Variants in LRBA observed in about 807,000 individuals in gnomAD.
LRBA encodes the protein LPS responsive beige-like anchor protein.
LRBA carries 176 observed loss-of-function variants against 330.0 expected under a neutral mutation model. The ratio of observed to expected loss-of-function variants is 0.53; its 90% CI spans 0.47 to 0.60. The LOEUF (loss-of-function observed/expected upper bound fraction) is 0.60. Among genes scored for constraint, LRBA ranks in the 20% least tolerant of loss-of-function variants. The pLI is 0.00. For synonymous variants in LRBA, 1,230 were observed against 1,193.0 expected, an observed-to-expected ratio of 1.03 and a Z score of -0.64; for missense variants, 3,259 against 3,444.8, an observed-to-expected ratio of 0.95 and a Z score of 1.35.
intron 49 of LRBA, among the ~76,000 whole-genome samples, chr4:150,323,319 A>T (rs1361225220): frequency 6.6e-6 from 1 of 152,166 alleles, no homozygotes; most frequent in African/African-American, 2.4e-5. Flanking sequence ...TATTTACGAA[A>T]GTCAATTTAT....
At chr4:150,461,911 T>C (rs561314598) in intron 44 of LRBA, among the ~76,000 whole-genome samples, 1 of 151,784 alleles carries the variant, frequency 6.6e-6, no homozygotes, top group South Asian at 2.1e-4. Context: ...TTTTACACAA[T>C]CACTTTCCAA....
rs1747253323 is a variant in LRBA at position 150,831,918 on chromosome 4, A to C, written c.4628T>G (p.Leu1543Arg). 2 of 1,602,014 alleles carry C rather than the reference A, an allele frequency of 1.2e-6. No homozygotes were observed. Among genetic ancestry groups the C allele is most frequent in the Admixed American group, 1.7e-5 (1 of 58,710 alleles). ...AATGTCTCTGTACTTGGAGACCATA[A>C]GAACAGAGATAAAGTATACTACTGC... ...ALAVVYFISV[L>R]MVSKYRDILE... The change falls in exon 29 of 57, where the codon CTT becomes CGT. Residue 1543 changes from leucine (L) to arginine (R), a missense_variant. Leu to Arg is a moderately radical substitution (Grantham distance 102). Coordinates refer to ENST00000651943, the MANE Select transcript of LRBA (RefSeq NM_001364905.1).
At chr4:150,918,276 C>T (rs1485023059) in intron 5 of LRBA, among the ~76,000 whole-genome samples, 2 of 151,944 alleles carry the variant, frequency 1.3e-5, no homozygotes, top group Non-Finnish European at 2.9e-5. Context: ...AATAAAAGGA[C>T]AAGTAAAATT....
chr4:150,431,951 A>AC (rs1353811074), intron 46 of LRBA, among the ~76,000 whole-genome samples: 12 of 152,202 alleles, frequency 7.9e-5, no homozygotes. Flanking sequence ...CTTTAAAATA[A>AC]AAAGAATTAA....
At chr4:150,630,066 A>G (rs1265739381) in intron 37 of LRBA, among the ~76,000 whole-genome samples, 1 of 152,138 alleles carries the variant, frequency 6.6e-6, no homozygotes, top group African/African-American at 2.4e-5. Context: ...CCACAGAATC[A>G]CCCAAGCACA....
chr4:150,907,787 C>T (rs1034499910), intron 11 of LRBA, among the ~76,000 whole-genome samples: 27 of 152,080 alleles, frequency 1.8e-4, no homozygotes, highest in Admixed American at 3.3e-4. Context: ...ACTTATATCC[C>T]TTTCTTTTTT....
chr4:150,767,986 C>T (rs1287460106), intron 34 of LRBA, among the ~76,000 whole-genome samples: 3 of 148,804 alleles, frequency 2.0e-5, no homozygotes, highest in Non-Finnish European at 3.0e-5. Context: ...ATCACTTAAA[C>T]CTGGGAGGCA....
At chr4:150,408,023 CA>C (rs1398865686) in intron 47 of LRBA, among the ~76,000 whole-genome samples, 2 of 151,444 alleles carry the variant, frequency 1.3e-5, no homozygotes, top group Non-Finnish European at 2.9e-5. Flanking sequence ...CCAAAGCAAG[CA>C]AAAGGAAAGA....
rs776022887 is a variant in LRBA, at chr4:150,579,587, C to T, written c.6330+8461G>A. The T allele has an allele frequency of 1.8e-5, 8 of 445,520 alleles. 1 individual carries two copies. The highest frequency in any genetic ancestry group is 1.3e-4 in the South Asian group (8 of 63,510). 27.6% of individuals were successfully genotyped at this position (445,520 alleles called of 1,614,324 possible). A position where few individuals can be genotyped will look rare whatever the true frequency, so the allele number is the denominator to read the frequency against. ...ACATTTGTAACGTTTTATCATCCTT[C>T]CCTCTGTATGTAAAAGTGGAGAAGC... On this transcript the variant is annotated intron_variant, in intron 40 of 56. Coordinates refer to ENST00000651943, the MANE Select transcript of LRBA (RefSeq NM_001364905.1).
chr4:150,510,415 T>G (rs1223520816), intron 40 of LRBA, among the ~76,000 whole-genome samples: 2 of 152,160 alleles, frequency 1.3e-5, no homozygotes, highest in Non-Finnish European at 2.9e-5. Context: ...AAACACAGTA[T>G]AAGTAAAAAG....
intron 52 of LRBA, among the ~76,000 whole-genome samples, chr4:150,305,458 G>A (rs902494888): frequency 5.3e-5 from 8 of 152,150 alleles, no homozygotes; most frequent in African/African-American, 1.9e-4. Context: ...CACCTATTAA[G>A]TGCCAAGCAT....
intron 20 of LRBA, 60 bp from the exon 21 acceptor site, chr4:150,868,365 G>A (rs892738564): frequency 2.4e-6 from 3 of 1,256,640 alleles, no homozygotes; most frequent in Admixed American, 2.2e-5. Flanking sequence ...ATGATAGAAG[G>A]TCATCCATCT....
intron 40 of LRBA, among the ~76,000 whole-genome samples, chr4:150,568,243 T>C (rs1239821243): frequency 6.6e-6 from 1 of 152,088 alleles, no homozygotes; most frequent in Non-Finnish European, 1.5e-5. Flanking sequence ...GTAAGAAAGC[T>C]AGCCTGGAAA....
chr4:150,472,065 G>A (rs1756198408), intron 42 of LRBA, among the ~76,000 whole-genome samples: 1 of 151,996 alleles, frequency 6.6e-6, no homozygotes, highest in African/African-American at 2.4e-5. Flanking sequence ...AATTATAGCA[G>A]CTGGGAAGTG....
intron 44 of LRBA, among the ~76,000 whole-genome samples, chr4:150,446,988 C>T (rs982743142): frequency 6.6e-6 from 1 of 152,018 alleles, no homozygotes; most frequent in Admixed American, 6.6e-5. Flanking sequence ...CAGTGATAAT[C>T]AATACTTATG....
At chr4:150,530,636 T>C (rs1763963454) in intron 40 of LRBA, among the ~76,000 whole-genome samples, 2 of 152,100 alleles carry the variant, frequency 1.3e-5, no homozygotes. Context: ...GAGCCCATCA[T>C]TGTTTCCCCT....
chr4:150,398,971 T>C (rs911991948), intron 47 of LRBA, among the ~76,000 whole-genome samples: 2 of 152,234 alleles, frequency 1.3e-5, no homozygotes, highest in African/African-American at 4.8e-5. Flanking sequence ...TACTGCCAAA[T>C]ATAAATATAT....
intron 2 of LRBA, among the ~76,000 whole-genome samples, chr4:150,989,356 T>A (rs1457507944): frequency 6.6e-6 from 1 of 152,070 alleles, no homozygotes; most frequent in Non-Finnish European, 1.5e-5. Flanking sequence ...GGTTCACACC[T>A]GTAATCCCAG....
intron 35 of LRBA, among the ~76,000 whole-genome samples, chr4:150,755,247 G>A (rs1031169927): frequency 6.6e-6 from 1 of 152,156 alleles, no homozygotes; most frequent in African/African-American, 2.4e-5. Context: ...ATTAATACTC[G>A]AAGCATTATG....
Sources: allele counts gnomAD v4.1 joint callset (sites outside exome capture counted in the v4.1 genomes callset), GRCh38; gene constraint gnomAD v4.1.1; transcripts MANE v1.5; gene names NCBI Gene and HGNC (gene_info 2026-07-23, HGNC 2026-07-21).